DAAM1: variants seen among roughly 807,000 people sequenced by gnomAD.
DAAM1 encodes disheveled-associated activator of morphogenesis 1.
In DAAM1, 52 loss-of-function variants were observed where a neutral mutation model predicts 130.0. The observed-to-expected ratio is 0.40, with a 90% confidence interval of 0.32 to 0.50. The LOEUF is 0.50. DAAM1 is among the 20% of genes least tolerant of loss of function. The pLI, the probability that DAAM1 is intolerant of heterozygous loss-of-function variation, is 0.61. For synonymous variants in DAAM1, 452 were observed against 444.5 expected (o/e 1.02, Z -0.21); for missense variants, 1,134 against 1,303.8 (o/e 0.87, Z 2.01).
At chr14:59,350,460 TACAC>T (rs3047886) in intron 17 of DAAM1, among the ~76,000 whole-genome samples, 95,007 of 150,284 alleles carry the variant, frequency 0.63, 30,403 homozygotes, top group East Asian at 0.85. Context: ...ACACGCCCCT[TACAC>T]ACACACACAC....
chr14:59,326,589 A>G lies in DAAM1; in HGVS notation c.1254A>G (p.Lys418=), dbSNP rs1885213610. Residue 418 remains lysine, a synonymous_variant, in exon 11 of 25, where the codon AAA becomes AAG. Coordinates refer to ENST00000360909, the MANE Select transcript of DAAM1 (RefSeq NM_001270520.2). ...IIQQIVIQND[K]GQDPDSTPLE... is the part of the protein sequence containing the mutation. The stretch of plus-strand genomic sequence containing the variant: ...AGCAGATAGTTATCCAGAATGACAA[A>G]GGACAGGACCCTGACTCCACACCTT... The G allele has an allele frequency of 6.2e-7, 1 of 1,614,028 alleles. No homozygotes were observed. Among genetic ancestry groups the G allele is most frequent in the Admixed American group, 1.7e-5 (1 of 60,024 alleles).
chr14:59,277,695 C>T (rs1421564821), intron 2 of DAAM1, among the ~76,000 whole-genome samples: 1 of 151,940 alleles, frequency 6.6e-6, no homozygotes, highest in Non-Finnish European at 1.5e-5. Context: ...AAACTCTATC[C>T]ATAGAGAATA....
chr14:59,247,489 G>GT (rs1881440277), intron 1 of DAAM1, among the ~76,000 whole-genome samples: 1 of 152,092 alleles, frequency 6.6e-6, no homozygotes, highest in South Asian at 2.1e-4. Context: ...TGTTGTCATC[G>GT]TAACAATATT....
At chr14:59,354,669 A>ATTTTTGGTCC (rs1456104022) in intron 19 of DAAM1, among the ~76,000 whole-genome samples, 2 of 152,236 alleles carry the variant, frequency 1.3e-5, no homozygotes, top group African/African-American at 2.4e-5. Context: ...TGGGCAAGGC[A>ATTTTTGGTCC]ACTGAAGAGC....
intron 20 of DAAM1, 26 bp downstream of exon 20, chr14:59,355,359 G>C: frequency 1.2e-6 from 2 of 1,612,928 alleles, no homozygotes; most frequent in Non-Finnish European, 1.7e-6. Flanking sequence ...TCCAACACTT[G>C]GGGGAGCCAG....
chr14:59,257,040 C>T (rs1030344545), intron 1 of DAAM1, among the ~76,000 whole-genome samples: 2 of 152,272 alleles, frequency 1.3e-5, no homozygotes, highest in African/African-American at 2.4e-5. Context: ...AGAAACTCCT[C>T]GCTCTTGGGA....
chr14:59,324,060 T>C (rs1885118081), intron 6 of DAAM1, 68 bp from the exon 7 acceptor site: 2 of 1,097,406 alleles, frequency 1.8e-6, no homozygotes, highest in Non-Finnish European at 2.4e-6. Flanking sequence ...CTTTTGAGTA[T>C]AAAAAAATTC....
intron 3 of DAAM1, among the ~76,000 whole-genome samples, chr14:59,314,402 G>A (rs1168456551): frequency 6.6e-6 from 1 of 152,042 alleles, no homozygotes; most frequent in Non-Finnish European, 1.5e-5. Context: ...AATACGCATA[G>A]AAATCCCTGA....
At position 59,235,115 on chromosome 14, in the gene DAAM1, G is replaced by A. The variant is rs1293453029; in HGVS notation, c.-37-28326G>A. 3.9e-5 allele frequency among the ~76,000 whole-genome samples: 6 copies of A among 152,136 alleles called. No individual in the cohort carries two copies. In the East Asian group the frequency reaches 9.7e-4, roughly 24 times the overall value. Reference sequence around the variant, plus strand: ...TGGCCTGAAGTTTTCTTTTTTTGTTGTGTCTTTGCCAGGTTTTGGTATCAG... The same window carrying A: ...TGGCCTGAAGTTTTCTTTTTTTGTTATGTCTTTGCCAGGTTTTGGTATCAG... On this transcript the variant is annotated intron_variant, in intron 1 of 24. Transcript: ENST00000360909.
chr14:59,239,519 C>T (rs896229873), intron 1 of DAAM1, among the ~76,000 whole-genome samples: 2 of 152,170 alleles, frequency 1.3e-5, no homozygotes, highest in Admixed American at 6.5e-5. Context: ...CCTCCCCTGC[C>T]CCAACTAGCT....
chr14:59,215,591 C>T (rs766084575), intron 1 of DAAM1, among the ~76,000 whole-genome samples: 5 of 152,132 alleles, frequency 3.3e-5, no homozygotes, highest in African/African-American at 7.2e-5. Flanking sequence ...TTTGCCCTGT[C>T]GGAGCTCAGG....
chr14:59,327,402 C>CTTTTGTTTTTTTTTTTTT (rs1885249348), intron 12 of DAAM1, among the ~76,000 whole-genome samples: 2 of 58,992 alleles, frequency 3.4e-5, no homozygotes, highest in Non-Finnish European at 5.9e-5. Flanking sequence ...CACTTGGTTT[C>CTTTTGTTTTTTTTTTTTT]TTTTTTTTTT....
At chr14:59,296,433 T>C (rs148998718) in intron 3 of DAAM1, among the ~76,000 whole-genome samples, 1 of 152,110 alleles carries the variant, frequency 6.6e-6, no homozygotes, top group African/African-American at 2.4e-5. Flanking sequence ...CAGAGAAAAC[T>C]AGACAGAGAA....
intron 16 of DAAM1, 64 bp downstream of exon 16, chr14:59,340,244 C>A: frequency 6.7e-7 from 1 of 1,483,772 alleles, no homozygotes; most frequent in Non-Finnish European, 9.3e-7. Context: ...GGCTCAAAAC[C>A]ACATGTTAGT....
chr14:59,313,751 A>G (rs1673367496), intron 3 of DAAM1, among the ~76,000 whole-genome samples: 1 of 152,232 alleles, frequency 6.6e-6, no homozygotes, highest in Non-Finnish European at 1.5e-5. Flanking sequence ...AGGGTTTAGC[A>G]TTTATACTAC....
intron 1 of DAAM1, among the ~76,000 whole-genome samples, chr14:59,219,666 T>C (rs1009046550): frequency 6.6e-6 from 1 of 152,224 alleles, no homozygotes; most frequent in Non-Finnish European, 1.5e-5. Context: ...GGATCTTAGG[T>C]ATAGTCAAGA....
At position 59,263,619 on chromosome 14, in the gene DAAM1, C is replaced by T. The variant is rs1006931444; in HGVS notation, c.142C>T (p.Pro48Ser). The change falls in exon 2 of 25, where the codon CCC becomes TCC. Residue 48 changes from proline (P) to serine (S), a missense_variant. Coordinates refer to ENST00000360909, the MANE Select transcript of DAAM1 (RefSeq NM_001270520.2). ...GACCATGGAACCAGCATTGCCCATG[C>T]CCCCTGTGGAGGAGCTGGATGTCAT... ...LQTMEPALPM[P>S]PVEELDVMFS... 5.6e-6 allele frequency: 9 copies of T among 1,614,072 alleles called. No homozygotes were observed. The East Asian group carries it at 6.7e-5, about 12-fold the overall frequency.
At chr14:59,318,455 A>G (rs926822520) in intron 4 of DAAM1, among the ~76,000 whole-genome samples, 2 of 150,400 alleles carry the variant, frequency 1.3e-5, no homozygotes, top group Admixed American at 1.3e-4. Context: ...TGCATAGAGC[A>G]TTCAAAGAAG....
intron 1 of DAAM1, among the ~76,000 whole-genome samples, chr14:59,226,533 T>G (rs1169728088): frequency 6.6e-6 from 1 of 151,974 alleles, no homozygotes; most frequent in Non-Finnish European, 1.5e-5. Flanking sequence ...TCTAGCAGGA[T>G]TGGGGGTGGG....
Sources: gnomAD v4.1 joint callset for allele counts (sites outside exome capture counted in the v4.1 genomes callset) on GRCh38, gnomAD v4.1.1 for gene constraint, MANE v1.5 for transcripts, NCBI Gene and HGNC (gene_info 2026-07-23, HGNC 2026-07-21) for gene names.